The following SGCD variants were observed in gnomAD, a reference collection of about 807,000 sequenced individuals.
The protein encoded by SGCD is delta-sarcoglycan.
In SGCD, 18 loss-of-function variants were observed where a neutral mutation model predicts 36.6. The observed-to-expected ratio is 0.49, with a 90% CI of 0.34 to 0.73. The LOEUF (loss-of-function observed/expected upper bound fraction) is 0.73, where lower values mean the gene tolerates loss of function less well. Among genes scored for constraint, SGCD ranks in the 30% least tolerant of loss-of-function variants. SGCD has a pLI of 0.01. For missense variants in SGCD, 387 were observed against 346.7 expected, an observed-to-expected ratio of 1.12 and a Z score of -0.92; for synonymous variants, 133 against 130.6, an observed-to-expected ratio of 1.02 and a Z score of -0.12.
intron 3 of SGCD, among the ~76,000 whole-genome samples, chr5:156,307,344 T>A (rs929905865): frequency 5.9e-5 from 9 of 152,144 alleles, no homozygotes; most frequent in Admixed American, 2.0e-4. Context: ...ACCTAGCAAA[T>A]TTTCTATCTT....
chr5:156,378,720 G>T (rs986220866), intron 3 of SGCD, among the ~76,000 whole-genome samples: 86 of 151,878 alleles, frequency 5.7e-4, no homozygotes, highest in African/African-American at 2.0e-3. Context: ...TTCAATTTTT[G>T]TCACTGGTGG....
chr5:156,669,788 G>A (rs557411772), intron 7 of SGCD, among the ~76,000 whole-genome samples: 1 of 152,136 alleles, frequency 6.6e-6, no homozygotes, highest in Non-Finnish European at 1.5e-5. Flanking sequence ...TTCTCTGTAG[G>A]CCTTGAACCA....
chr5:156,446,522 C>G (rs1390598671), intron 3 of SGCD, among the ~76,000 whole-genome samples: 1 of 152,050 alleles, frequency 6.6e-6, no homozygotes, highest in Non-Finnish European at 1.5e-5. Flanking sequence ...AATCAAAAGC[C>G]CTTTTTATTT....
At chr5:155,854,825 C>A in the SGCD span, among the ~76,000 whole-genome samples, 1,203 of 152,162 alleles carry the variant, frequency 7.9e-3, 16 homozygotes, top group African/African-American at 0.028. Context: ...ATTGATTGTA[C>A]CTGGTAATGT....
chr5:155,911,293 ATG>A (rs371986965), intron 1 of SGCD, among the ~76,000 whole-genome samples: 59 of 141,534 alleles, frequency 4.2e-4, no homozygotes, highest in Admixed American at 1.4e-3. Flanking sequence ...AGTATAGTAT[ATG>A]TGTGTGTGTG....
At chr5:156,349,282 G>T (rs192499393) in intron 3 of SGCD, among the ~76,000 whole-genome samples, 1 of 151,904 alleles carries the variant, frequency 6.6e-6, no homozygotes, top group South Asian at 2.1e-4. Flanking sequence ...AAAAGCTTCC[G>T]CACAGTAAAA....
intron 1 of SGCD, among the ~76,000 whole-genome samples, chr5:156,079,664 T>G (rs1380552875): frequency 2.6e-5 from 4 of 152,170 alleles, no homozygotes; most frequent in East Asian, 3.9e-4. Flanking sequence ...ATCTTAAAGC[T>G]CTGAAATAGT....
chr5:155,793,007 G>A, the SGCD span, among the ~76,000 whole-genome samples: 1 of 152,168 alleles, frequency 6.6e-6, no homozygotes, highest in Non-Finnish European at 1.5e-5. Flanking sequence ...CAACCTAGGT[G>A]CCCATCAGTG....
At chr5:156,634,872 T>G (rs1762766056) in intron 6 of SGCD, among the ~76,000 whole-genome samples, 1 of 152,046 alleles carries the variant, frequency 6.6e-6, no homozygotes, top group Non-Finnish European at 1.5e-5. Context: ...TTTTAAAAAA[T>G]TACTAAGCCG....
the SGCD span, among the ~76,000 whole-genome samples, chr5:155,807,839 G>C: frequency 2.0e-5 from 3 of 152,338 alleles, 1 homozygote; most frequent in East Asian, 5.8e-4. Context: ...TTTATGGAGA[G>C]AGGATAGTTT....
At position 156,256,976 on chromosome 5, in the gene SGCD, G is replaced by A. The variant is rs538773496; in HGVS notation, c.-43-72558G>A. Among the ~76,000 whole-genome samples, 322 of 152,056 alleles carry A rather than the reference G, an allele frequency of 2.1e-3. 2 individuals carry two copies. The highest frequency in any genetic ancestry group is 7.5e-3 in the African/African-American group (309 of 41,456). ...GGGTGATCACTTGAGCTCAGGAGTTGAAGACCAACCTGGGCAACATAACGA... is the reference window on the plus strand; with the variant it reads ...GGGTGATCACTTGAGCTCAGGAGTTAAAGACCAACCTGGGCAACATAACGA... On this transcript the variant is annotated intron_variant, in intron 3 of 9. Transcript: ENST00000517913.
intron 7 of SGCD, among the ~76,000 whole-genome samples, chr5:156,666,866 C>A (rs1302911474): frequency 1.3e-5 from 2 of 152,142 alleles, no homozygotes; most frequent in African/African-American, 2.4e-5. Context: ...ACAATTTGAT[C>A]TCTCTTGCTT....
At chr5:156,168,025 C>T (rs1763253581) in intron 3 of SGCD, among the ~76,000 whole-genome samples, 1 of 152,216 alleles carries the variant, frequency 6.6e-6, no homozygotes, top group East Asian at 1.9e-4. Context: ...CTTAAACTTT[C>T]TGTGCCTCAG....
At chr5:156,423,710 A>G (rs1014606001) in intron 3 of SGCD, among the ~76,000 whole-genome samples, 1 of 151,784 alleles carries the variant, frequency 6.6e-6, no homozygotes, top group African/African-American at 2.4e-5. Context: ...GCTAAACTTC[A>G]GCATCCTGAA....
intron 1 of SGCD, among the ~76,000 whole-genome samples, chr5:156,005,697 G>A (rs1347608462): frequency 1.3e-5 from 2 of 152,144 alleles, no homozygotes; most frequent in South Asian, 2.1e-4. Context: ...TGATCCGCCC[G>A]CCTTGGCCTC....
At position 156,329,941 on chromosome 5, in the gene SGCD, C is replaced by T. The variant is rs374626576; in HGVS notation, c.3+362C>T. The stretch of plus-strand genomic sequence containing the variant: ...CTGATGCAGGAGAATGGCGTGAACC[C>T]GGAAGGTGGAGCTTGCAGTGAGCCA... On this transcript the variant is annotated intron_variant, in intron 2 of 8. Transcript: ENST00000337851. Among the ~76,000 whole-genome samples, 177 of 142,040 alleles carry T rather than the reference C, an allele frequency of 1.2e-3. 1 individual carries two copies. The highest frequency in any genetic ancestry group is 4.6e-3 in the African/African-American group (170 of 37,092). 93.2% of individuals were successfully genotyped at this position (142,040 alleles called of 152,430 possible). A position where few individuals can be genotyped will look rare whatever the true frequency, so the allele number is the denominator to read the frequency against.
chr5:156,091,725 AGAAGAT>A (rs1220571623), intron 1 of SGCD, among the ~76,000 whole-genome samples: 3 of 152,252 alleles, frequency 2.0e-5, no homozygotes, highest in African/African-American at 7.2e-5. Flanking sequence ...GCATCATCAA[AGAAGAT>A]GGTCTGGTAT....
chr5:156,089,084 G>C (rs549013944), intron 1 of SGCD, among the ~76,000 whole-genome samples: 1 of 152,340 alleles, frequency 6.6e-6, no homozygotes, highest in East Asian at 1.9e-4. Context: ...GACCTGGAAA[G>C]AGCAAATTGC....
At chr5:155,846,557 T>C in the SGCD span, among the ~76,000 whole-genome samples, 3 of 152,182 alleles carry the variant, frequency 2.0e-5, no homozygotes, top group Non-Finnish European at 4.4e-5. Context: ...CATTCTGTTA[T>C]ACTCTGATTC....
Sources: allele counts gnomAD v4.1 joint callset (sites outside exome capture counted in the v4.1 genomes callset), GRCh38; gene constraint gnomAD v4.1.1; transcripts MANE v1.5; gene names NCBI Gene and HGNC (gene_info 2026-07-23, HGNC 2026-07-21).